Variants in FAT3 observed in about 807,000 individuals in gnomAD.
FAT3 encodes the protein FAT atypical cadherin 3.
In FAT3, 95 loss-of-function variants were observed where a neutral mutation model predicts 310.2. The observed-to-expected ratio is 0.31, with a 90% CI of 0.26 to 0.36. The LOEUF (loss-of-function observed/expected upper bound fraction) is 0.36. Among genes scored for constraint, FAT3 ranks in the 10% least tolerant of loss-of-function variants. The pLI is 1.00. For missense variants in FAT3, 5,408 were observed against 5,715.6 expected (o/e 0.95, Z 1.74); for synonymous variants, 2,314 against 2,192.9 (o/e 1.06, Z -1.54).
chr11:92,428,070 C>A (rs763835340), intron 2 of FAT3, among the ~76,000 whole-genome samples: 1 of 151,696 alleles, frequency 6.6e-6, no homozygotes, highest in South Asian at 2.1e-4. Flanking sequence ...TTTGTCTGTT[C>A]AGGGATTTGA....
At chr11:92,288,458 C>A (rs1946611984) in intron 1 of FAT3, among the ~76,000 whole-genome samples, 1 of 152,108 alleles carries the variant, frequency 6.6e-6, no homozygotes, top group African/African-American at 2.4e-5. Flanking sequence ...AGGGATATCT[C>A]TTGAGCCTTA....
intron 24 of FAT3, among the ~76,000 whole-genome samples, chr11:92,885,337 G>T (rs1466208404): frequency 6.6e-6 from 1 of 152,184 alleles, no homozygotes; most frequent in Non-Finnish European, 1.5e-5. Context: ...TTCAATGGGT[G>T]AAATACGCAC....
intron 19 of FAT3, among the ~76,000 whole-genome samples, chr11:92,850,576 G>A (rs2031744075): frequency 6.6e-6 from 1 of 152,194 alleles, no homozygotes; most frequent in South Asian, 2.1e-4. Flanking sequence ...AATTAAGAAG[G>A]GAGCTTATTG....
At chr11:92,618,210 C>G (rs1050504396) in intron 3 of FAT3, among the ~76,000 whole-genome samples, 4 of 152,198 alleles carry the variant, frequency 2.6e-5, no homozygotes, top group Admixed American at 6.5e-5. Context: ...GCCTTGCTGC[C>G]TTGCAGTTTG....
chr11:92,874,231 A>C (rs906607412), intron 22 of FAT3, among the ~76,000 whole-genome samples: 3 of 152,228 alleles, frequency 2.0e-5, no homozygotes, highest in Non-Finnish European at 2.9e-5. Context: ...AAAAATCCCT[A>C]GATATCTCTT....
intron 2 of FAT3, among the ~76,000 whole-genome samples, chr11:92,521,132 A>G (rs776889168): frequency 2.0e-5 from 3 of 152,072 alleles, no homozygotes; most frequent in Non-Finnish European, 2.9e-5. Flanking sequence ...TCTATATGAA[A>G]GTGCTTTGGT....
At chr11:92,758,009 C>A (rs978959400) in intron 4 of FAT3, among the ~76,000 whole-genome samples, 1 of 152,132 alleles carries the variant, frequency 6.6e-6, no homozygotes, top group African/African-American at 2.4e-5. Flanking sequence ...AGCTGACCCC[C>A]CATGAGTAGA....
rs372745797 is a variant in FAT3 at position 92,426,070 on chromosome 11, G to A, written c.3292+70666G>A. 1.0e-3 allele frequency among the ~76,000 whole-genome samples: 158 copies of A among 152,164 alleles called. 2 individuals are homozygous for A. The South Asian group carries it at 0.014, about 14-fold the overall frequency. ...GTTGTTTCCTAACTTTTTAATGATCGCCATTCTAACTAGCGTGAGATGGAA... is the reference window on the plus strand; with the variant it reads ...GTTGTTTCCTAACTTTTTAATGATCACCATTCTAACTAGCGTGAGATGGAA... On this transcript the variant is annotated intron_variant, in intron 2 of 27. Transcript: ENST00000525166.
chr11:92,403,556 A>G (rs1950070896), intron 2 of FAT3, among the ~76,000 whole-genome samples: 1 of 152,172 alleles, frequency 6.6e-6, no homozygotes, highest in South Asian at 2.1e-4. Flanking sequence ...AAGATATAAA[A>G]GAGTTAGATT....
At chr11:92,471,137 A>G (rs1394389509) in intron 2 of FAT3, among the ~76,000 whole-genome samples, 1 of 152,194 alleles carries the variant, frequency 6.6e-6, no homozygotes. Flanking sequence ...ATTTAAGATC[A>G]GTGCTTTTAA....
intron 3 of FAT3, among the ~76,000 whole-genome samples, chr11:92,679,279 GTTTA>G (rs1235672922): frequency 8.0e-5 from 12 of 150,664 alleles, no homozygotes; most frequent in South Asian, 4.2e-4. Flanking sequence ...TTTTTTTTTG[GTTTA>G]TTTATTTATT....
intron 3 of FAT3, among the ~76,000 whole-genome samples, chr11:92,654,200 C>T (rs1942489618): frequency 1.3e-5 from 2 of 152,196 alleles, no homozygotes; most frequent in Non-Finnish European, 2.9e-5. Flanking sequence ...TCCCAACCCA[C>T]CTTTCAATCT....
chr11:92,821,657 G>A (rs546690850), intron 13 of FAT3, among the ~76,000 whole-genome samples: 2 of 152,150 alleles, frequency 1.3e-5, no homozygotes, highest in South Asian at 4.1e-4. Context: ...TCTCTAGAAA[G>A]CTCCAAAAAC....
chr11:92,676,596 G>A (rs1291602030), intron 3 of FAT3, among the ~76,000 whole-genome samples: 2 of 152,126 alleles, frequency 1.3e-5, no homozygotes, highest in African/African-American at 4.8e-5. Flanking sequence ...ATACATTTTT[G>A]TTGAGTGAAT....
At position 92,843,785 on chromosome 11, in the gene FAT3, G is replaced by A. The variant is rs764572683; in HGVS notation, c.10567-149G>A. On this transcript the variant is annotated intron_variant, in intron 18 of 27. Coordinates refer to ENST00000525166, the MANE Select transcript of FAT3 (RefSeq NM_001367949.2). ...GATAAATCACTCCTCTTACTTAAAC[G>A]CACATCCTCAGCATTTTTCAGAATA... 1.8e-3 allele frequency: 1,308 copies of A among 743,238 alleles called. 3 individuals carry two copies. Among genetic ancestry groups the A allele is most frequent in the Non-Finnish European group, 2.2e-3 (993 of 444,062 alleles). 46.0% of individuals were successfully genotyped at this position (743,238 alleles called of 1,614,324 possible). A position where few individuals can be genotyped will look rare whatever the true frequency, so the allele number is the denominator to read the frequency against.
chr11:92,630,577 C>G (rs969079928), intron 3 of FAT3, among the ~76,000 whole-genome samples: 1 of 152,150 alleles, frequency 6.6e-6, no homozygotes, highest in African/African-American at 2.4e-5. Context: ...AGTATGTTTT[C>G]CCCCAACGGA....
At chr11:92,810,478 A>G (rs1395000192) in intron 13 of FAT3, among the ~76,000 whole-genome samples, 5 of 152,182 alleles carry the variant, frequency 3.3e-5, no homozygotes, top group Non-Finnish European at 7.3e-5. Context: ...TTCCATGTCT[A>G]TGAAGAACTC....
chr11:92,506,456 T>C (rs573842393), intron 2 of FAT3, among the ~76,000 whole-genome samples: 1 of 152,308 alleles, frequency 6.6e-6, no homozygotes, highest in South Asian at 2.1e-4. Flanking sequence ...CCTTTGGATA[T>C]TGGATATGTT....
At chr11:92,544,930 G>A (rs1191452742) in intron 3 of FAT3, among the ~76,000 whole-genome samples, 1 of 152,222 alleles carries the variant, frequency 6.6e-6, no homozygotes, top group Non-Finnish European at 1.5e-5. Flanking sequence ...AGCTGTTGGA[G>A]GCATGTGTTG....
Sources: allele counts gnomAD v4.1 joint callset (sites outside exome capture counted in the v4.1 genomes callset), GRCh38; gene constraint gnomAD v4.1.1; transcripts MANE v1.5; gene names NCBI Gene and HGNC (gene_info 2026-07-23, HGNC 2026-07-21).